Variants in NPR1 observed in about 807,000 individuals in gnomAD.
NPR1 encodes the protein natriuretic peptide receptor 1.
Under a neutral mutation model 116.9 loss-of-function variants are expected in NPR1, and 57 were observed. The observed-to-expected ratio is 0.49, with a 90% CI of 0.39 to 0.61. The LOEUF is 0.61. Among genes scored for constraint, NPR1 ranks in the 20% least tolerant of loss-of-function variants. The pLI, the probability that NPR1 is intolerant of heterozygous loss-of-function variation, is 0.00. For synonymous variants in NPR1, 555 were observed against 601.6 expected (o/e 0.92, Z 1.13); for missense variants, 1,096 against 1,409.8 (o/e 0.78, Z 3.56).
Position 153,689,927 on chromosome 1 carries a change from G to C in NPR1, c.2879G>C (p.Arg960Pro), listed in dbSNP as rs138609379. 6.4e-7 allele frequency: 1 copy of C among 1,554,008 alleles called. No individual in the cohort carries two copies. Among genetic ancestry groups the C allele is most frequent in the Admixed American group, 1.9e-5 (1 of 51,742 alleles). ...LALLDAVRSF[R>P]IRHRPQEQLR... ...CTGCTGGATGCTGTGCGCTCCTTCC[G>C]AATCCGCCACCGGCCCCAGGAGCAG... is the stretch of plus-strand genomic sequence containing the variant. Residue 960 changes from arginine (R) to proline (P), a missense_variant, in exon 19 of 22, where the codon CGA (arginine) becomes CCA (proline). Transcript: ENST00000368680. This position sits in a 1 kb window ranked among gnomAD's most constrained non-coding sequence, Gnocchi z 5.1.
chr1:153,681,480 A>T (rs759192609), intron 3 of NPR1, 187 bp downstream of exon 3: 18 of 635,792 alleles, frequency 2.8e-5, no homozygotes, highest in African/African-American at 5.5e-5. Context: ...GGTCATCATC[A>T]GTAATATGGA....
intron 2 of NPR1, 66 bp downstream of exon 2, chr1:153,680,766 C>T (rs1360899606): frequency 7.7e-7 from 1 of 1,299,186 alleles, no homozygotes; most frequent in African/African-American, 1.5e-5. Flanking sequence ...GGCACTGTGT[C>T]CCTCAGCGTC....
intron 11 of NPR1, 80 bp downstream of exon 11, chr1:153,686,830 G>C: frequency 7.2e-7 from 1 of 1,385,616 alleles, no homozygotes; most frequent in Non-Finnish European, 1.0e-6. Context: ...CCCCAGGCAT[G>C]CCTCGCCCTC....
Position 153,679,652 on chromosome 1 carries a change from G to T in NPR1, c.544G>T (p.Ala182Ser). The change falls in exon 1 of 22, where the codon GCG (alanine) becomes TCG (serine). Residue 182 changes from alanine (A) to serine (S), a missense_variant. By Grantham distance (99) the Ala-to-Ser change is moderately conservative. Transcript: ENST00000368680. The surrounding 1 kb of genome is among the most constrained non-coding windows in gnomAD (Gnocchi z 4.2). ...CCGACGGCTGGGCTGGGAGCGCCAA[G>T]CGCTCATGCTCTACGCCTACCGGCC... ...LHRRLGWERQ[A>S]LMLYAYRPGD... is the part of the protein sequence containing the mutation. 6.2e-7 allele frequency: 1 copy of T among 1,603,616 alleles called. No homozygotes were observed.
At chr1:153,692,950 G>A (rs1257159307) in intron 20 of NPR1, among the ~76,000 whole-genome samples, 156 bp from the exon 21 acceptor site, 1 of 152,134 alleles carries the variant, frequency 6.6e-6, no homozygotes, top group Admixed American at 6.5e-5. Flanking sequence ...TTCAGGGGGT[G>A]GGGCCCCTCT....
At chr1:153,692,367 G>A (rs912638301) in intron 20 of NPR1, among the ~76,000 whole-genome samples, 1 of 152,106 alleles carries the variant, frequency 6.6e-6, no homozygotes, top group South Asian at 2.1e-4. Context: ...GTAGAGCCGG[G>A]TGACACTCCA....
intron 11 of NPR1, 44 bp from the exon 12 acceptor site, chr1:153,686,972 G>A: frequency 6.2e-7 from 1 of 1,600,256 alleles, no homozygotes. Context: ...CCAACTCCCA[G>A]GGGGATCTGC....
intron 7 of NPR1, among the ~76,000 whole-genome samples, chr1:153,684,454 T>C (rs1211270748): frequency 7.2e-6 from 1 of 138,918 alleles, no homozygotes; most frequent in Non-Finnish European, 1.5e-5. Flanking sequence ...TGCAGTGGCA[T>C]GATCTAGGCT....
intron 20 of NPR1, among the ~76,000 whole-genome samples, chr1:153,691,873 C>T (rs1032128764): frequency 1.4e-5 from 2 of 146,886 alleles, no homozygotes; most frequent in Admixed American, 6.7e-5. Flanking sequence ...GGCAACAGAG[C>T]GAGACTCTGT....
intron 1 of NPR1, 77 bp from the exon 2 acceptor site, chr1:153,680,424 T>G (rs1252180202): frequency 7.2e-7 from 1 of 1,381,718 alleles, no homozygotes; most frequent in African/African-American, 1.4e-5. Context: ...CTTCCTCCCT[T>G]GGGTGCCCCA....
At chr1:153,687,169 G>A in intron 12 of NPR1, 31 bp from the exon 13 acceptor site, 2 of 1,613,852 alleles carry the variant, frequency 1.2e-6, no homozygotes, top group Non-Finnish European at 1.7e-6. Flanking sequence ...TCCCACTCCT[G>A]GCCAATACCT....
At position 153,681,259 on chromosome 1, in the gene NPR1, A is replaced by C. The variant is rs764392515; in HGVS notation, c.1001A>C (p.Tyr334Ser). The C allele has an allele frequency of 1.1e-5, 18 of 1,613,042 alleles. No individual in the cohort carries two copies. The highest frequency in any genetic ancestry group is 1.5e-5 in the Non-Finnish European group (18 of 1,179,186). The change falls in exon 3 of 22, where the codon TAT becomes TCT. Residue 334 changes from tyrosine to serine, a missense_variant. Tyr to Ser is a moderately radical substitution (Grantham distance 144, BLOSUM62 -2). Transcript: ENST00000368680. ...EFLKQLKHLA[Y>S]EQFNFTMEDG... is the part of the protein sequence containing the mutation. The stretch of plus-strand genomic sequence containing the variant: ...CTGAAGCAGTTAAAACACCTGGCCT[A>C]TGAGCAGTTCAACTTCACCATGGAG...
intron 5 of NPR1, 77 bp from the exon 6 acceptor site, chr1:153,683,299 G>A: frequency 6.6e-7 from 1 of 1,508,852 alleles, no homozygotes; most frequent in South Asian, 1.3e-5. Context: ...TGGGGTAGGT[G>A]GGAGGTGAGA....
chr1:153,689,293 G>A lies in NPR1; in HGVS notation c.2670G>A (p.Ala890=), dbSNP rs150616898. Residue 890 remains alanine (A), a synonymous_variant, in exon 17 of 22, where the codon GCG becomes GCA. Coordinates refer to ENST00000368680, the MANE Select transcript of NPR1 (RefSeq NM_000906.4). The surrounding 1 kb of genome is among the most constrained non-coding windows in gnomAD (Gnocchi z 5.1). ...SDIVGFTALS[A]ESTPMQVVTL... ...TTGTGGGTTTCACAGCGCTGTCGGC[G>A]GAGAGCACACCCATGCAGGTAGGCC... 25 of 1,614,198 alleles carry A rather than the reference G, an allele frequency of 1.5e-5. No homozygotes were observed. Among genetic ancestry groups the A allele is most frequent in the South Asian group, 7.7e-5 (7 of 91,088 alleles).
rs779442067 is a variant in NPR1, at chr1:153,682,505, A to G, written c.1179A>G (p.Thr393=). 2 of 1,612,966 alleles carry G rather than the reference A, an allele frequency of 1.2e-6. No homozygotes were observed. The highest frequency in any genetic ancestry group is 1.7e-6 in the Non-Finnish European group (2 of 1,179,012). Residue 393 remains threonine, a synonymous_variant, in exon 5 of 22, where the codon ACA becomes ACG. Coordinates refer to ENST00000368680, the MANE Select transcript of NPR1 (RefSeq NM_000906.4). ...RMWNRSFQGV[T]GYLKIDSSGD... is the part of the protein sequence containing the mutation. ...CTTCCCCCATGTCCTCAGGTGTGAC[A>G]GGATACCTGAAAATTGATAGCAGTG...
At chr1:153,692,824 C>T (rs759165155) in intron 20 of NPR1, among the ~76,000 whole-genome samples, 2 of 152,060 alleles carry the variant, frequency 1.3e-5, no homozygotes, top group African/African-American at 2.4e-5. Context: ...GAATTTTTAA[C>T]TGTATTTAGT....
rs778686253 is a variant in NPR1 at position 153,681,304 on chromosome 1, G to A, written c.1035+11G>A. On this transcript the variant is annotated intron_variant, in intron 3 of 21. Transcript: ENST00000368680. ...ATGGAGGATGGCCTGGTAAGAAGGG[G>A]TCCCGGGACCCTCCAGCGTGGACCT... 7.9e-6 allele frequency: 12 copies of A among 1,528,266 alleles called. No individual in the cohort carries two copies. The highest frequency in any genetic ancestry group is 1.4e-5 in the African/African-American group (1 of 73,140). The allele number at this position is 1,528,266 out of a possible 1,614,324, so 94.7% of individuals were successfully genotyped here. A position where few individuals can be genotyped will look rare whatever the true frequency, so the allele number is the denominator to read the frequency against.
At position 153,683,452 on chromosome 1, in the gene NPR1, A is replaced by G; in HGVS notation, c.1340A>G (p.Tyr447Cys). 6.2e-7 allele frequency: 1 copy of G among 1,614,050 alleles called. No homozygotes were observed. The highest frequency in any genetic ancestry group is 8.5e-7 in the Non-Finnish European group (1 of 1,180,010). Residue 447 changes from tyrosine (Y) to cysteine (C), a missense_variant, in exon 6 of 22, where the codon TAC (tyrosine) becomes TGC (cysteine). Physicochemically the swap from Tyr to Cys is radical, Grantham distance 194. Transcript: ENST00000368680. ...SGRKLNWPLG[Y>C]PPPDIPKCGF... ...CGCAAACTGAACTGGCCCCTGGGGT[A>G]CCCTCCTCCTGACATCCCCAAATGT... is the stretch of plus-strand genomic sequence containing the variant.
At chr1:153,693,308 AG>A in intron 21 of NPR1, 43 bp from the exon 22 acceptor site, 1 of 1,606,254 alleles carries the variant, frequency 6.2e-7, no homozygotes, top group Non-Finnish European at 8.5e-7. Flanking sequence ...GACTGGGGAA[AG>A]GGCATGTGCC....
Sources: allele counts gnomAD v4.1 joint callset (sites outside exome capture counted in the v4.1 genomes callset), GRCh38; gene constraint gnomAD v4.1.1; non-coding constraint Gnocchi (gnomAD v3.1); transcripts MANE v1.5; gene names NCBI Gene and HGNC (gene_info 2026-07-23, HGNC 2026-07-21).